Variants in RPS6KA2 observed in about 807,000 individuals in gnomAD.
RPS6KA2 encodes ribosomal protein S6 kinase A2, also known as ribosomal protein S6 kinase alpha-2.
RPS6KA2 carries 42 observed loss-of-function variants against 91.8 expected under a neutral mutation model. That is an observed-to-expected ratio of 0.46 (90% CI 0.36 to 0.59). The LOEUF is 0.59. Ranked by LOEUF, RPS6KA2 falls within the 20% of genes least tolerant of loss-of-function variation. RPS6KA2 has a pLI of 0.00. For missense variants in RPS6KA2, 798 were observed against 978.5 expected (o/e 0.82, Z 2.46); for synonymous variants, 414 against 393.6 (o/e 1.05, Z -0.61).
At chr6:166,595,497 G>A (rs1214476878) in intron 1 of RPS6KA2, among the ~76,000 whole-genome samples, 3 of 152,224 alleles carry the variant, frequency 2.0e-5, no homozygotes, top group Non-Finnish European at 4.4e-5. Flanking sequence ...GCTGTCCACT[G>A]GGACTTCAAT....
intron 2 of RPS6KA2, among the ~76,000 whole-genome samples, chr6:166,735,402 G>A (rs1360118361): frequency 6.6e-6 from 1 of 152,214 alleles, no homozygotes; most frequent in Non-Finnish European, 1.5e-5. Flanking sequence ...TTTTGTGGCA[G>A]ATAATTTTCC....
chr6:166,743,883 C>CACGGCAGACAGGGCTTTGGT, intron 2 of RPS6KA2, among the ~76,000 whole-genome samples: 2 of 150,814 alleles, frequency 1.3e-5, no homozygotes, highest in African/African-American at 4.9e-5. Context: ...AGGGCTTTGG[C>CACGGCAGACAGGGCTTTGGT]GGTGGTCAGT....
rs140557189 is a variant in RPS6KA2 at position 166,487,933 on chromosome 6, G to A, written c.907+900C>T. On this transcript the variant is annotated intron_variant, in intron 10 of 20. Coordinates refer to ENST00000265678, the MANE Select transcript of RPS6KA2 (RefSeq NM_021135.6). ...AATGAATGCAAAAGTTCCCTGCAAT[G>A]GAAGCTGATGTGGGGAAGAAGTTAA... is the stretch of plus-strand genomic sequence containing the variant. Among the ~76,000 whole-genome samples, 253 of 152,254 alleles carry A rather than the reference G, an allele frequency of 1.7e-3. 1 individual carries two copies. Among genetic ancestry groups the A allele is most frequent in the African/African-American group, 5.9e-3 (245 of 41,534 alleles).
At chr6:166,502,230 T>TA (rs1282797212) in intron 6 of RPS6KA2, among the ~76,000 whole-genome samples, 2 of 152,112 alleles carry the variant, frequency 1.3e-5, no homozygotes, top group African/African-American at 4.8e-5. Flanking sequence ...TTTCTACAAT[T>TA]AAAAAAAATC....
chr6:166,660,393 C>CGT lies in RPS6KA2; in HGVS notation c.124-121611_124-121610dup, dbSNP rs150639989. 1.5e-3 allele frequency among the ~76,000 whole-genome samples: 223 copies of CGT among 144,770 alleles called. 2 individuals are homozygous for CGT. The highest frequency in any genetic ancestry group is 3.9e-3 in the African/African-American group (154 of 39,022). 95.0% of individuals were successfully genotyped at this position (144,770 alleles called of 152,430 possible). A position where few individuals can be genotyped will look rare whatever the true frequency, so the allele number is the denominator to read the frequency against. ...ATGTGTGTGCATGTGTATGGGCATGCGTGCGTGTGTGTGTGTGTGTGTGTG... is the reference window on the plus strand; with the variant it reads ...ATGTGTGTGCATGTGTATGGGCATGCGTGTGCGTGTGTGTGTGTGTGTGTGTG... On this transcript the variant is annotated intron_variant, in intron 2 of 21. Coordinates refer to the RPS6KA2 transcript ENST00000503859.
chr6:166,783,553 T>G (rs181953000), intron 2 of RPS6KA2, among the ~76,000 whole-genome samples: 29 of 151,886 alleles, frequency 1.9e-4, no homozygotes, highest in Admixed American at 1.5e-3. Context: ...GATATATGCA[T>G]ACATACATAT....
At chr6:166,474,971 G>A (rs868155237) in intron 10 of RPS6KA2, among the ~76,000 whole-genome samples, 9 of 152,328 alleles carry the variant, frequency 5.9e-5, no homozygotes, top group South Asian at 2.1e-4. Context: ...GTGCAGTGCC[G>A]AGGGCGCTGG....
intron 2 of RPS6KA2, 151 bp downstream of exon 2, chr6:166,538,517 C>T: frequency 2.0e-6 from 1 of 505,614 alleles, no homozygotes; most frequent in Non-Finnish European, 3.7e-6. Flanking sequence ...TCTGGCTGTG[C>T]AAAGTGAGAC....
In RPS6KA2 at chr6:166,500,267, C is replaced by T. The variant is rs573106617; in HGVS notation, c.604+620G>A. Among the ~76,000 whole-genome samples, 7 of 152,178 alleles carry T rather than the reference C, an allele frequency of 4.6e-5. No individual in the cohort carries two copies. In the South Asian group the frequency reaches 6.2e-4, roughly 14 times the overall value. ...GATAAGTTTGTGTGGTTTAAAGCCC[C>T]GATGTTCCTGGCATTTTGTTGCAGA... On this transcript the variant is annotated intron_variant, in intron 7 of 20. Coordinates refer to ENST00000265678, the MANE Select transcript of RPS6KA2 (RefSeq NM_021135.6). This position sits in a 1 kb window ranked among gnomAD's most constrained non-coding sequence, Gnocchi z 4.3.
At chr6:166,701,924 A>AT (rs1372939541) in intron 2 of RPS6KA2, 13 of 1,141,818 alleles carry the variant, frequency 1.1e-5, no homozygotes, top group South Asian at 7.4e-5. Context: ...GTCTTGCTCA[A>AT]TTTTTTTAAG....
chr6:166,480,262 T>C (rs1340839634), intron 10 of RPS6KA2, among the ~76,000 whole-genome samples: 1 of 151,874 alleles, frequency 6.6e-6, no homozygotes, highest in Non-Finnish European at 1.5e-5. Context: ...AAAAATGGGC[T>C]AGACCTCCAT....
chr6:166,713,292 G>A (rs919736262), intron 2 of RPS6KA2, among the ~76,000 whole-genome samples: 12 of 152,334 alleles, frequency 7.9e-5, no homozygotes, highest in Admixed American at 2.6e-4. Context: ...TTTTCACACC[G>A]GAGGAGGTGG....
intron 2 of RPS6KA2, among the ~76,000 whole-genome samples, chr6:166,728,791 G>A (rs1007893185): frequency 3.9e-5 from 6 of 152,178 alleles, no homozygotes; most frequent in African/African-American, 7.2e-5. Flanking sequence ...CTGGGCATGG[G>A]GACTGCCTGG....
At chr6:166,709,974 C>T (rs75260768) in intron 2 of RPS6KA2, among the ~76,000 whole-genome samples, 1,563 of 152,246 alleles carry the variant, frequency 0.01, 31 homozygotes, top group African/African-American at 0.033. Flanking sequence ...TTTTCATGTA[C>T]GCCATATTCT....
intron 2 of RPS6KA2, among the ~76,000 whole-genome samples, chr6:166,716,283 T>C (rs1365660573): frequency 2.0e-5 from 3 of 152,162 alleles, no homozygotes; most frequent in Non-Finnish European, 4.4e-5. Context: ...TGGAAATAAA[T>C]GTAAGCTATG....
intron 2 of RPS6KA2, among the ~76,000 whole-genome samples, chr6:166,645,085 C>A (rs1300806573): frequency 1.3e-5 from 2 of 152,166 alleles, no homozygotes; most frequent in African/African-American, 4.8e-5. Flanking sequence ...AGGACAAGTT[C>A]CTATTATTTT....
At chr6:166,676,853 C>T (rs1255872002) in intron 2 of RPS6KA2, among the ~76,000 whole-genome samples, 1 of 152,220 alleles carries the variant, frequency 6.6e-6, no homozygotes, top group African/African-American at 2.4e-5. Flanking sequence ...TTCAAAGAGG[C>T]TCATGATTAT....
chr6:166,837,318 G>A (rs1194421689), intron 2 of RPS6KA2, among the ~76,000 whole-genome samples: 10 of 152,142 alleles, frequency 6.6e-5, no homozygotes, highest in African/African-American at 2.4e-4. Context: ...CCTGGCCTCA[G>A]CAGCCCTTCC....
At chr6:166,843,073 T>A (rs984970058) in intron 2 of RPS6KA2, among the ~76,000 whole-genome samples, 1 of 152,146 alleles carries the variant, frequency 6.6e-6, no homozygotes, top group African/African-American at 2.4e-5. Flanking sequence ...CCTTTAGGAC[T>A]GTGGGCTGCA....
Sources: gnomAD v4.1 joint callset for allele counts (sites outside exome capture counted in the v4.1 genomes callset) on GRCh38, gnomAD v4.1.1 for gene constraint, Gnocchi (gnomAD v3.1) non-coding constraint, MANE v1.5 for transcripts, NCBI Gene and HGNC (gene_info 2026-07-23, HGNC 2026-07-21) for gene names.